KHDRBS2: variants seen among roughly 807,000 people sequenced by gnomAD.
KHDRBS2 encodes KH RNA binding domain containing, signal transduction associated 2, also known as KH domain-containing, RNA-binding, signal transduction-associated protein 2.
In KHDRBS2, 26 loss-of-function variants were observed where a neutral mutation model predicts 44.3. The observed-to-expected ratio is 0.59, with a 90% CI of 0.43 to 0.81. KHDRBS2 has a LOEUF of 0.81. KHDRBS2 is among the 40% of genes least tolerant of loss of function. KHDRBS2 has a pLI of 0.00. For missense variants in KHDRBS2, 476 were observed against 433.1 expected (o/e 1.10, Z -0.88); for synonymous variants, 194 against 151.1 (o/e 1.28, Z -2.08).
the KHDRBS2 span, among the ~76,000 whole-genome samples, chr6:61,672,415 C>T: frequency 3.0e-4 from 45 of 152,138 alleles, no homozygotes; most frequent in Middle Eastern, 0.017. Context: ...CCTGAGGAAT[C>T]ACCACACTGA....
At chr6:62,049,967 T>A (rs753080810) in intron 2 of KHDRBS2, among the ~76,000 whole-genome samples, 4 of 152,014 alleles carry the variant, frequency 2.6e-5, no homozygotes, top group Non-Finnish European at 5.9e-5. Context: ...TACAAAGCAT[T>A]CTACTATAAA....
At chr6:62,216,157 A>G (rs1297482664) in intron 1 of KHDRBS2, among the ~76,000 whole-genome samples, 1 of 151,720 alleles carries the variant, frequency 6.6e-6, no homozygotes, top group Non-Finnish European at 1.5e-5. Flanking sequence ...AAAAATTTTG[A>G]TTTGACTCCT....
chr6:61,612,278 G>C, the KHDRBS2 span, among the ~76,000 whole-genome samples: 1 of 152,064 alleles, frequency 6.6e-6, no homozygotes, highest in East Asian at 1.9e-4. Flanking sequence ...TCACTTTTTA[G>C]CACTGAACAT....
the KHDRBS2 span, among the ~76,000 whole-genome samples, chr6:61,640,881 T>C: frequency 2.0e-5 from 3 of 152,114 alleles, no homozygotes; most frequent in African/African-American, 7.2e-5. Flanking sequence ...ACAGATGAAT[T>C]GGTGATTTCA....
At chr6:62,223,553 G>A (rs541083559) in intron 1 of KHDRBS2, among the ~76,000 whole-genome samples, 164 of 152,264 alleles carry the variant, frequency 1.1e-3, no homozygotes, top group African/African-American at 3.7e-3. Context: ...CTCAGAAAAT[G>A]GGTTTTACTT....
At chr6:62,281,262 T>C (rs1841752863) in intron 1 of KHDRBS2, among the ~76,000 whole-genome samples, 1 of 152,186 alleles carries the variant, frequency 6.6e-6, no homozygotes, top group South Asian at 2.1e-4. Flanking sequence ...TTTACTTATT[T>C]TCTCAAATTG....
chr6:62,278,366 A>G lies in KHDRBS2; in HGVS notation c.91+7492T>C, dbSNP rs568576608. Among the ~76,000 whole-genome samples, 350 of 152,252 alleles carry G rather than the reference A, an allele frequency of 2.3e-3. 1 individual carries two copies. Among genetic ancestry groups the G allele is most frequent in the Non-Finnish European group, 4.3e-3 (292 of 68,008 alleles). On this transcript the variant is annotated intron_variant, in intron 1 of 8. Transcript: ENST00000281156. ...TGCTGTGGGAACAAACAGCTTCACT[A>G]TAGACTGTATACATAAAGAGAAACT...
At chr6:62,082,855 TC>T (rs1186804290) in intron 2 of KHDRBS2, among the ~76,000 whole-genome samples, 1 of 152,122 alleles carries the variant, frequency 6.6e-6, no homozygotes, top group African/African-American at 2.4e-5. Context: ...TCCTCCATGT[TC>T]CAGAATTTAA....
chr6:61,955,541 TAC>T (rs1335924471), intron 4 of KHDRBS2, among the ~76,000 whole-genome samples: 5 of 56,308 alleles, frequency 8.9e-5, no homozygotes, highest in Non-Finnish European at 1.1e-4. Context: ...TGTGTATATA[TAC>T]ACATATGTAT....
chr6:62,158,737 TC>T (rs1189956832), intron 2 of KHDRBS2, among the ~76,000 whole-genome samples: 2 of 152,116 alleles, frequency 1.3e-5, no homozygotes, highest in African/African-American at 4.8e-5. Context: ...ACTTCTCTGT[TC>T]CTCTCAACAC....
chr6:62,064,687 A>C (rs963701133), intron 2 of KHDRBS2, among the ~76,000 whole-genome samples: 7 of 152,010 alleles, frequency 4.6e-5, no homozygotes, highest in Non-Finnish European at 7.4e-5. Flanking sequence ...CCTAGAAGAA[A>C]ACCTAGGCAT....
At chr6:61,719,686 T>C (rs974694991) in intron 7 of KHDRBS2, among the ~76,000 whole-genome samples, 3 of 152,130 alleles carry the variant, frequency 2.0e-5, no homozygotes, top group Non-Finnish European at 4.4e-5. Flanking sequence ...AAAAAGATGA[T>C]GGTCAGAGAC....
At chr6:61,676,738 C>T (rs1316909873), downstream of KHDRBS2, among the ~76,000 whole-genome samples, 1 of 151,794 alleles carries the variant, frequency 6.6e-6, no homozygotes, top group Non-Finnish European at 1.5e-5. Context: ...TCCCAGACTC[C>T]CCTTTAGTCA....
chr6:61,701,863 T>TG (rs1241498391), intron 7 of KHDRBS2, among the ~76,000 whole-genome samples: 1 of 151,996 alleles, frequency 6.6e-6, no homozygotes, highest in African/African-American at 2.4e-5. Flanking sequence ...ACATTGTGTG[T>TG]TTTGTATGGG....
chr6:62,213,204 T>C (rs1829384037), intron 1 of KHDRBS2, among the ~76,000 whole-genome samples: 1 of 152,220 alleles, frequency 6.6e-6, no homozygotes, highest in Admixed American at 6.5e-5. Context: ...GATAAGTACC[T>C]TCTCAGTTTC....
At chr6:61,945,277 C>G (rs149675389) in intron 4 of KHDRBS2, among the ~76,000 whole-genome samples, 2 of 149,740 alleles carry the variant, frequency 1.3e-5, no homozygotes, top group Admixed American at 1.3e-4. Flanking sequence ...GTAAGTTTCA[C>G]GAAAATAAAA....
the KHDRBS2 span, among the ~76,000 whole-genome samples, chr6:61,654,849 G>A: frequency 6.6e-6 from 1 of 151,594 alleles, no homozygotes; most frequent in African/African-American, 2.4e-5. Context: ...GAGGCAGAGT[G>A]GGGAAAAGAT....
chr6:62,212,317 C>G (rs1337495686), intron 1 of KHDRBS2, among the ~76,000 whole-genome samples: 3 of 151,126 alleles, frequency 2.0e-5, no homozygotes, highest in Non-Finnish European at 2.9e-5. Flanking sequence ...TATATACATA[C>G]AGAGGGAGAG....
chr6:62,012,763 C>A (rs980415414), intron 3 of KHDRBS2, among the ~76,000 whole-genome samples: 1 of 152,122 alleles, frequency 6.6e-6, no homozygotes, highest in East Asian at 1.9e-4. Context: ...CTTGACTACT[C>A]TAACTACATC....
Sources: allele counts gnomAD v4.1 joint callset (sites outside exome capture counted in the v4.1 genomes callset), GRCh38; gene constraint gnomAD v4.1.1; transcripts MANE v1.5; gene names NCBI Gene and HGNC (gene_info 2026-07-23, HGNC 2026-07-21).